Variants in PTPRQ observed in about 807,000 individuals in gnomAD.
PTPRQ encodes phosphatidylinositol phosphatase PTPRQ.
PTPRQ carries 199 observed loss-of-function variants against 246.0 expected under a neutral mutation model. The observed-to-expected ratio is 0.81, with a 90% CI of 0.72 to 0.91. The LOEUF is 0.91. Ranked by LOEUF, PTPRQ falls within the 40% of genes least tolerant of loss-of-function variation. The pLI is 0.00. For synonymous variants in PTPRQ, 869 were observed against 853.2 expected (o/e 1.02, Z -0.32); for missense variants, 2,624 against 2,528.4 (o/e 1.04, Z -0.81).
At chr12:80,669,169 T>C (rs1255991659) in intron 40 of PTPRQ, 28 bp downstream of exon 40, 1 of 1,540,822 alleles carries the variant, frequency 6.5e-7, no homozygotes, top group East Asian at 2.5e-5. Flanking sequence ...GTTTTACAAA[T>C]GTTGTTTTAC....
intron 30 of PTPRQ, among the ~76,000 whole-genome samples, chr12:80,617,191 G>A (rs1378971405): frequency 6.6e-6 from 1 of 150,890 alleles, no homozygotes; most frequent in East Asian, 2.0e-4. Context: ...ACCTCTATAG[G>A]CCTGAAAAAT....
intron 9 of PTPRQ, among the ~76,000 whole-genome samples, chr12:80,491,478 G>T (rs1379328807): frequency 6.6e-6 from 1 of 151,902 alleles, no homozygotes; most frequent in Non-Finnish European, 1.5e-5. Flanking sequence ...CCCATACAAG[G>T]ACATAGGAAC....
At chr12:80,539,155 GA>G (rs66643967) in intron 19 of PTPRQ, among the ~76,000 whole-genome samples, 22,495 of 151,904 alleles carry the variant, frequency 0.15, 1,790 homozygotes, top group Middle Eastern at 0.19. Context: ...AAGCCTTGGG[GA>G]AAAATGCAAC....
chr12:80,473,382 C>T (rs945115128), intron 8 of PTPRQ, among the ~76,000 whole-genome samples: 2 of 152,144 alleles, frequency 1.3e-5, no homozygotes, highest in Non-Finnish European at 2.9e-5. Flanking sequence ...CCTCCATCTC[C>T]ACCTAAAAAC....
At position 80,474,392 on chromosome 12, in the gene PTPRQ, C is replaced by G. The variant is rs117662453; in HGVS notation, c.1186+2141C>G. Among the ~76,000 whole-genome samples, 123 of 152,156 alleles carry G rather than the reference C, an allele frequency of 8.1e-4. No homozygotes were observed. In the East Asian group the frequency reaches 0.019, roughly 23 times the overall value. On this transcript the variant is annotated intron_variant, in intron 8 of 44. Coordinates refer to ENST00000644991, the MANE Select transcript of PTPRQ (RefSeq NM_001145026.2). ...AAACAATTGGTGCTCTTATAAATCT[C>G]CAGATACTCATAGAAAAATGTTGCA...
Position 80,514,229 on chromosome 12 carries a change from T to C in PTPRQ, c.2678+3786T>C, listed in dbSNP as rs568766635. On this transcript the variant is annotated intron_variant, in intron 17 of 44. Transcript: ENST00000644991. The stretch of plus-strand genomic sequence containing the variant: ...GAAATTTCCTTCTTCCGTATACTCT[T>C]TCCTTTCTACACCTCAAGGGTCTTA... 2.6e-5 allele frequency among the ~76,000 whole-genome samples: 4 copies of C among 152,178 alleles called. No individual in the cohort carries two copies. The East Asian group carries it at 7.7e-4, about 29-fold the overall frequency.
At chr12:80,588,494 T>G in intron 26 of PTPRQ, 42 bp downstream of exon 26, 1 of 1,428,178 alleles carries the variant, frequency 7.0e-7, no homozygotes, top group South Asian at 1.7e-5. Context: ...TTCTGTTATA[T>G]TCTGTATCTG....
chr12:80,571,367 T>C (rs1439140938), intron 25 of PTPRQ, among the ~76,000 whole-genome samples: 4 of 152,242 alleles, frequency 2.6e-5, no homozygotes, highest in Admixed American at 2.0e-4. Flanking sequence ...CTCGAACTGC[T>C]GACCTCATGA....
At position 80,472,265 on chromosome 12, in the gene PTPRQ, G is replaced by GA; in HGVS notation, c.1186+16dup. 1 of 1,549,802 alleles carries GA rather than the reference G, an allele frequency of 6.5e-7. No homozygotes were observed. The highest frequency in any genetic ancestry group is 8.7e-7 in the Non-Finnish European group (1 of 1,146,512). ...CTCCACCAGATGGTAAGAACATAGG[G>GA]AATGAGTGAGATATTTTTGGTATGC... On this transcript the variant is annotated intron_variant, in intron 8 of 44. Transcript: ENST00000644991.
intron 9 of PTPRQ, among the ~76,000 whole-genome samples, chr12:80,491,350 A>G (rs1894444358): frequency 6.6e-6 from 1 of 151,900 alleles, no homozygotes; most frequent in Non-Finnish European, 1.5e-5. Context: ...GGCATAAAGT[A>G]TTGACTGCAA....
Position 80,444,847 on chromosome 12 carries a change from C to T in PTPRQ, c.161C>T (p.Thr54Ile). ...ACTAGAATAGTGACAACAAATGTAA[C>T]AAGTGAGTATATGTTTTAAATTACT... is the stretch of plus-strand genomic sequence containing the variant. The part of the protein sequence containing the change: ...PVTRIVTTNV[T>I]KPGPPVFLAG... The change falls in exon 2 of 45, where the codon ACA becomes ATA. Residue 54 changes from threonine to isoleucine, a missense_variant and splice_region_variant. Physicochemically the swap from Thr to Ile is moderately conservative, Grantham distance 89. Transcript: ENST00000644991. The T allele has an allele frequency of 6.6e-7, 1 of 1,523,406 alleles. No individual in the cohort carries two copies. The highest frequency in any genetic ancestry group is 8.9e-7 in the Non-Finnish European group (1 of 1,129,564). 94.4% of individuals were successfully genotyped at this position (1,523,406 alleles called of 1,614,324 possible). A position where few individuals can be genotyped will look rare whatever the true frequency, so the allele number is the denominator to read the frequency against.
At chr12:80,469,206 T>A (rs1025594004) in intron 7 of PTPRQ, among the ~76,000 whole-genome samples, 1 of 152,234 alleles carries the variant, frequency 6.6e-6, no homozygotes, top group Non-Finnish European at 1.5e-5. Context: ...TTCTATTCAC[T>A]GCTAGGAGCC....
Position 80,496,084 on chromosome 12 carries a change from C to A in PTPRQ, c.1968C>A (p.Ile656=), listed in dbSNP as rs370595432. 469 of 1,548,592 alleles carry A rather than the reference C, an allele frequency of 3.0e-4. 2 individuals carry two copies. The East Asian group carries it at 6.1e-3, about 20-fold the overall frequency. Residue 656 remains isoleucine, a synonymous_variant, in exon 13 of 45, where the codon ATC becomes ATA. Coordinates refer to ENST00000644991, the MANE Select transcript of PTPRQ (RefSeq NM_001145026.2). ...GESSLSEEND[I]FVRTSEDEPE... ...GTTCTTTGTCTGAAGAAAATGACATCTTTGTGAGAACTTCAGAAGATGGTA... is the reference window on the plus strand; with the variant it reads ...GTTCTTTGTCTGAAGAAAATGACATATTTGTGAGAACTTCAGAAGATGGTA...
chr12:80,483,886 T>C (rs1240662338), intron 8 of PTPRQ, among the ~76,000 whole-genome samples: 2 of 152,172 alleles, frequency 1.3e-5, no homozygotes. Context: ...TTTCCAGCTT[T>C]ATCCATGTCC....
intron 29 of PTPRQ, among the ~76,000 whole-genome samples, chr12:80,615,913 C>A (rs1223279352): frequency 2.0e-4 from 30 of 150,712 alleles, no homozygotes; most frequent in Non-Finnish European, 4.5e-5. Flanking sequence ...GATCACTCAG[C>A]CTTTGTTCTC....
chr12:80,574,650 T>A lies in PTPRQ; in HGVS notation c.4286-13479T>A, dbSNP rs1317946870. Among the ~76,000 whole-genome samples the A allele has an allele frequency of 2.6e-5, 4 of 152,332 alleles. No homozygotes were observed. The East Asian group carries it at 7.7e-4, about 29-fold the overall frequency. On this transcript the variant is annotated intron_variant, in intron 25 of 44. Coordinates refer to ENST00000644991, the MANE Select transcript of PTPRQ (RefSeq NM_001145026.2). ...TTGACTTATATCTACTTAATTTATG[T>A]AACTGGAAATAAAATACATGAATTT...
chr12:80,524,132 C>G (rs139087047), intron 17 of PTPRQ, among the ~76,000 whole-genome samples: 7 of 152,196 alleles, frequency 4.6e-5, no homozygotes, highest in African/African-American at 1.7e-4. Context: ...CCTTCTTTGT[C>G]TCTTTTGATC....
chr12:80,540,318 A>T (rs1896114899), intron 20 of PTPRQ, among the ~76,000 whole-genome samples: 1 of 152,070 alleles, frequency 6.6e-6, no homozygotes, highest in South Asian at 2.1e-4. Context: ...CTTTGAATCT[A>T]CACAGGACTC....
chr12:80,643,568 A>G (rs1899967429), intron 35 of PTPRQ, among the ~76,000 whole-genome samples: 1 of 152,230 alleles, frequency 6.6e-6, no homozygotes, highest in African/African-American at 2.4e-5. Context: ...CCACGGAAAC[A>G]TCAATGATTT....
Sources: allele counts gnomAD v4.1 joint callset (sites outside exome capture counted in the v4.1 genomes callset), GRCh38; gene constraint gnomAD v4.1.1; transcripts MANE v1.5; gene names NCBI Gene and HGNC (gene_info 2026-07-23, HGNC 2026-07-21).